ATOSB: variants seen among roughly 807,000 people sequenced by gnomAD.
ATOSB encodes the protein atos homolog B, also known as atos homolog protein B.
the ATOSB span, among the ~76,000 whole-genome samples, chr9:35,114,417 G>C: frequency 6.6e-6 from 1 of 151,632 alleles, no homozygotes; most frequent in Non-Finnish European, 1.5e-5. Flanking sequence ...CTCCTGGGTG[G>C]TTGTGTGAGG....
At chr9:35,108,235 G>A in the ATOSB span, 1 of 1,577,264 alleles carries the variant, frequency 6.3e-7, no homozygotes, top group Non-Finnish European at 8.6e-7. Context: ...CCAGCCTCCG[G>A]CTCTGAGGAT....
the ATOSB span, among the ~76,000 whole-genome samples, chr9:35,113,896 G>A: frequency 1.3e-5 from 2 of 152,050 alleles, no homozygotes; most frequent in Non-Finnish European, 2.9e-5. Context: ...GAAAACAACA[G>A]GCCCTGGGCT....
the ATOSB span, chr9:35,108,680 T>C: frequency 9.9e-7 from 1 of 1,006,380 alleles, no homozygotes. Flanking sequence ...GATCCATGCC[T>C]GCTGCACTGG....
the ATOSB span, among the ~76,000 whole-genome samples, chr9:35,114,039 A>C: frequency 6.6e-6 from 1 of 152,184 alleles, no homozygotes; most frequent in Non-Finnish European, 1.5e-5. Flanking sequence ...ATGACTGCTG[A>C]GGGCCTCTGC....
the ATOSB span, chr9:35,106,862 C>T: frequency 9.5e-6 from 15 of 1,573,152 alleles, no homozygotes; most frequent in South Asian, 1.6e-4. The surrounding 1 kb of genome is among the most constrained non-coding windows in gnomAD (Gnocchi z 4.6). Flanking sequence ...CTTTCAGCCT[C>T]CGCCCCATGG....
At chr9:35,107,478 C>T in the ATOSB span, 13 of 1,610,158 alleles carry the variant, frequency 8.1e-6, no homozygotes, top group Admixed American at 1.7e-5. Context: ...CAGGGATCCC[C>T]GGCGCCTCCG....
At chr9:35,107,556 G>C in the ATOSB span, 1 of 1,595,862 alleles carries the variant, frequency 6.3e-7, no homozygotes, top group Non-Finnish European at 8.5e-7. Flanking sequence ...CCTTCGCTTG[G>C]TGGGGCAGGG....
At chr9:35,107,288 A>C in the ATOSB span, 1 of 1,408,048 alleles carries the variant, frequency 7.1e-7, no homozygotes, top group Non-Finnish European at 9.5e-7. Context: ...GTGCCACTGC[A>C]CTCCAGCAGT....
the ATOSB span, chr9:35,108,019 C>A: frequency 6.4e-7 from 1 of 1,554,684 alleles, no homozygotes; most frequent in Non-Finnish European, 8.7e-7. Context: ...TCTCTGGCCC[C>A]CAGCCCAGGG....
chr9:35,112,733 G>A, the ATOSB span, among the ~76,000 whole-genome samples: 5 of 152,284 alleles, frequency 3.3e-5, no homozygotes, highest in East Asian at 9.6e-4. Context: ...CTTCACAGAA[G>A]CAGGAGGCAA....
chr9:35,112,962 T>A, the ATOSB span, among the ~76,000 whole-genome samples: 1 of 152,122 alleles, frequency 6.6e-6, no homozygotes, highest in Non-Finnish European at 1.5e-5. Flanking sequence ...TCCCTTCTCC[T>A]TACCTCACCC....
At chr9:35,107,848 G>A in the ATOSB span, 11 of 1,598,360 alleles carry the variant, frequency 6.9e-6, no homozygotes, top group Non-Finnish European at 9.4e-6. Flanking sequence ...GGGCAGGGGG[G>A]ACTCCAGGCC....
the ATOSB span, chr9:35,108,379 CA>C: frequency 5.6e-6 from 8 of 1,419,504 alleles, no homozygotes; most frequent in Non-Finnish European, 7.3e-6. Flanking sequence ...AAAAGGTGGT[CA>C]GGGGAATCAA....
At chr9:35,115,123 C>CG in the ATOSB span, among the ~76,000 whole-genome samples, 1 of 151,926 alleles carries the variant, frequency 6.6e-6, no homozygotes, top group Non-Finnish European at 1.5e-5. Flanking sequence ...AGGAACCCAG[C>CG]GGGGGAAGGG....
chr9:35,108,302 CCCAACACGG>C, the ATOSB span: 1 of 1,514,120 alleles, frequency 6.6e-7, no homozygotes, highest in Non-Finnish European at 8.8e-7. Context: ...AGGGGGGCCC[CCCAACACGG>C]CCTTTATGCT....
the ATOSB span, among the ~76,000 whole-genome samples, chr9:35,112,687 G>T: frequency 6.6e-6 from 1 of 152,168 alleles, no homozygotes; most frequent in Non-Finnish European, 1.5e-5. Flanking sequence ...CAGCAAGTCG[G>T]ATAATTTGGG....
the ATOSB span, chr9:35,108,708 T>G: frequency 2.0e-6 from 2 of 995,498 alleles, no homozygotes; most frequent in Non-Finnish European, 1.2e-6. Context: ...ACTGCCACCA[T>G]TCCGTGCAGC....
At chr9:35,107,842 A>G in the ATOSB span, 11 of 1,597,580 alleles carry the variant, frequency 6.9e-6, no homozygotes, top group African/African-American at 4.0e-5. Flanking sequence ...GATGGGGGGC[A>G]GGGGGGACTC....
the ATOSB span, among the ~76,000 whole-genome samples, chr9:35,113,435 C>G: frequency 6.6e-6 from 1 of 152,070 alleles, no homozygotes; most frequent in East Asian, 1.9e-4. Flanking sequence ...ACCAGCCTGA[C>G]TAACATGGTG....
Sources: allele counts gnomAD v4.1 joint callset (sites outside exome capture counted in the v4.1 genomes callset), GRCh38; gene constraint gnomAD v4.1.1; non-coding constraint Gnocchi (gnomAD v3.1); transcripts MANE v1.5; gene names NCBI Gene and HGNC (gene_info 2026-07-23, HGNC 2026-07-21).